Variants in NELL1 observed in about 807,000 individuals in gnomAD.
The protein encoded by NELL1 is neural EGFL like 1.
NELL1 carries 76 observed loss-of-function variants against 107.4 expected under a neutral mutation model. The ratio of observed to expected loss-of-function variants is 0.71; its 90% CI spans 0.59 to 0.86. The LOEUF is 0.86. Among genes scored for constraint, NELL1 ranks in the 40% least tolerant of loss-of-function variants. NELL1 has a pLI of 0.00. For missense variants in NELL1, 1,024 were observed against 1,005.5 expected, an observed-to-expected ratio of 1.02 and a Z score of -0.25; for synonymous variants, 353 against 341.2, an observed-to-expected ratio of 1.03 and a Z score of -0.38.
chr11:21,035,050 G>A (rs1229916083), intron 12 of NELL1, among the ~76,000 whole-genome samples: 3 of 151,972 alleles, frequency 2.0e-5, no homozygotes, highest in Non-Finnish European at 1.5e-5. Flanking sequence ...AGTAATAAGG[G>A]GGATAATACC....
intron 12 of NELL1, among the ~76,000 whole-genome samples, chr11:21,017,246 A>T (rs1346454429): frequency 1.3e-5 from 2 of 152,130 alleles, no homozygotes; most frequent in Non-Finnish European, 2.9e-5. Context: ...ACCTGGGCAA[A>T]TGTGACAGCC....
At chr11:21,132,241 A>G (rs1855636467) in intron 13 of NELL1, among the ~76,000 whole-genome samples, 1 of 152,066 alleles carries the variant, frequency 6.6e-6, no homozygotes, top group Admixed American at 6.6e-5. Flanking sequence ...GCACGCGTGC[A>G]CACACACAGG....
At chr11:21,563,249 A>G (rs189552492) in intron 17 of NELL1, among the ~76,000 whole-genome samples, 4 of 152,188 alleles carry the variant, frequency 2.6e-5, no homozygotes, top group African/African-American at 7.2e-5. Context: ...TTAGGAAGAC[A>G]TCTTTATTTT....
chr11:21,308,805 A>G (rs1849664455), intron 14 of NELL1, among the ~76,000 whole-genome samples: 1 of 152,052 alleles, frequency 6.6e-6, no homozygotes, highest in Admixed American at 6.6e-5. Flanking sequence ...CACATAGTAA[A>G]GTGCTTAATT....
intron 13 of NELL1, among the ~76,000 whole-genome samples, chr11:21,158,330 T>C (rs1429010464): frequency 6.6e-6 from 1 of 152,132 alleles, no homozygotes; most frequent in Non-Finnish European, 1.5e-5. Context: ...ATCATGTGAG[T>C]CAATACTCCT....
chr11:20,946,953 A>G (rs915045551), intron 10 of NELL1, among the ~76,000 whole-genome samples: 2 of 152,212 alleles, frequency 1.3e-5, no homozygotes, highest in Non-Finnish European at 2.9e-5. Context: ...TTTCAGTGAT[A>G]CCATGTTAGT....
chr11:21,522,834 CTTTTTTT>C (rs66707466), intron 15 of NELL1, among the ~76,000 whole-genome samples: 21 of 68,432 alleles, frequency 3.1e-4, no homozygotes, highest in African/African-American at 9.9e-4. Context: ...TTTTTCTTTT[CTTTTTTT>C]TTTTTTTTTT....
chr11:20,715,822 T>C (rs1855237628), intron 2 of NELL1, among the ~76,000 whole-genome samples: 1 of 152,184 alleles, frequency 6.6e-6, no homozygotes, highest in Non-Finnish European at 1.5e-5. Context: ...GAATTAACCA[T>C]GGGGCCACAA....
intron 3 of NELL1, among the ~76,000 whole-genome samples, chr11:20,844,283 G>A (rs1406986621): frequency 6.6e-6 from 1 of 152,152 alleles, no homozygotes; most frequent in Non-Finnish European, 1.5e-5. Context: ...AGATGGAGAT[G>A]GGAGTATAAA....
At chr11:21,495,262 G>T (rs1854947331) in intron 15 of NELL1, among the ~76,000 whole-genome samples, 1 of 152,044 alleles carries the variant, frequency 6.6e-6, no homozygotes, top group African/African-American at 2.4e-5. Context: ...TACAATCTAT[G>T]GCCTTTTGTG....
At chr11:20,995,852 G>T (rs1033655542) in intron 12 of NELL1, among the ~76,000 whole-genome samples, 1 of 152,126 alleles carries the variant, frequency 6.6e-6, no homozygotes, top group African/African-American at 2.4e-5. Flanking sequence ...GAATGCTACG[G>T]AATTTAAGTT....
chr11:21,479,824 A>G (rs2133898069), intron 15 of NELL1, among the ~76,000 whole-genome samples: 1 of 152,286 alleles, frequency 6.6e-6, no homozygotes, highest in East Asian at 1.9e-4. Flanking sequence ...ACTACTATGT[A>G]CCCACAAAAA....
At chr11:21,013,536 A>T (rs976092543) in intron 12 of NELL1, among the ~76,000 whole-genome samples, 1 of 152,144 alleles carries the variant, frequency 6.6e-6, no homozygotes, top group African/African-American at 2.4e-5. Flanking sequence ...CTGCTGAGGA[A>T]TAAATGGGTC....
intron 2 of NELL1, among the ~76,000 whole-genome samples, chr11:20,742,578 G>A (rs1278566733): frequency 3.3e-5 from 5 of 152,156 alleles, no homozygotes; most frequent in Non-Finnish European, 7.4e-5. Context: ...ATGGCAGAAG[G>A]TGAATGAGAA....
intron 12 of NELL1, among the ~76,000 whole-genome samples, chr11:21,070,082 C>T (rs150876583): frequency 1.1e-3 from 169 of 151,804 alleles, no homozygotes; most frequent in African/African-American, 3.9e-3. Flanking sequence ...CGGGTTTGCT[C>T]ATCTCACACC....
intron 3 of NELL1, among the ~76,000 whole-genome samples, chr11:20,842,352 A>G (rs989525858): frequency 1.3e-5 from 2 of 150,970 alleles, no homozygotes; most frequent in East Asian, 3.9e-4. Flanking sequence ...CAGCCTGGGC[A>G]ACAGAGTGAG....
intron 15 of NELL1, among the ~76,000 whole-genome samples, chr11:21,385,248 A>G (rs1367646572): frequency 6.6e-6 from 1 of 151,858 alleles, no homozygotes; most frequent in Non-Finnish European, 1.5e-5. Context: ...CTTTGCCATT[A>G]TATTTCCGGA....
intron 13 of NELL1, among the ~76,000 whole-genome samples, chr11:21,158,093 T>C (rs1173285931): frequency 1.3e-5 from 2 of 152,146 alleles, no homozygotes; most frequent in Non-Finnish European, 2.9e-5. Context: ...CGCTAAGTCT[T>C]CTGGCCTCCA....
chr11:21,236,356 A>G (rs1423288059), intron 14 of NELL1, among the ~76,000 whole-genome samples: 1 of 152,208 alleles, frequency 6.6e-6, no homozygotes, highest in Non-Finnish European at 1.5e-5. Flanking sequence ...AGAATTGACC[A>G]GTTGATTTAA....
Sources: allele counts gnomAD v4.1 joint callset (sites outside exome capture counted in the v4.1 genomes callset), GRCh38; gene constraint gnomAD v4.1.1; transcripts MANE v1.5; gene names NCBI Gene and HGNC (gene_info 2026-07-23, HGNC 2026-07-21).